Variants in RIN2 observed in about 807,000 individuals in gnomAD.
RIN2 encodes RAB5 interacting protein 2.
In RIN2, 36 loss-of-function variants were observed where a neutral mutation model predicts 78.0. The observed-to-expected ratio is 0.46, with a 90% confidence interval of 0.35 to 0.61. RIN2 has a LOEUF of 0.61. RIN2 is among the 20% of genes least tolerant of loss of function. RIN2 has a pLI of 0.00. For missense variants in RIN2, 1,087 were observed against 1,159.7 expected (o/e 0.94, Z 0.91); for synonymous variants, 466 against 466.8 (o/e 1.00, Z 0.02).
intron 1 of RIN2, among the ~76,000 whole-genome samples, chr20:19,761,782 TC>T (rs1568728460): frequency 6.6e-6 from 1 of 152,200 alleles, no homozygotes; most frequent in Non-Finnish European, 1.5e-5. Flanking sequence ...ATGAATAGGT[TC>T]TTTGGGTTTG....
At chr20:19,968,334 A>G (rs916559421) in intron 7 of RIN2, among the ~76,000 whole-genome samples, 1 of 152,020 alleles carries the variant, frequency 6.6e-6, no homozygotes, top group Admixed American at 6.6e-5. Context: ...ACATGTTTTA[A>G]CTCTTGGGTG....
chr20:19,782,052 G>A (rs16981115), intron 1 of RIN2, among the ~76,000 whole-genome samples: 2,934 of 152,222 alleles, frequency 0.019, 192 homozygotes, highest in East Asian at 0.12. Context: ...TGACAAGACA[G>A]TTAACCCTTC....
At chr20:19,842,354 G>C (rs904372587) in intron 2 of RIN2, among the ~76,000 whole-genome samples, 2 of 147,274 alleles carry the variant, frequency 1.4e-5, no homozygotes. Context: ...CCCCCTAGTA[G>C]CTGGGATTAC....
At chr20:19,763,464 A>T (rs548496719) in intron 1 of RIN2, among the ~76,000 whole-genome samples, 1 of 152,234 alleles carries the variant, frequency 6.6e-6, no homozygotes, top group Non-Finnish European at 1.5e-5. Context: ...GAAAGTGTGA[A>T]TAGAACCACA....
intron 1 of RIN2, among the ~76,000 whole-genome samples, chr20:19,762,951 G>C (rs562561501): frequency 1.3e-5 from 2 of 152,148 alleles, no homozygotes; most frequent in Non-Finnish European, 2.9e-5. Context: ...TTTTAGTAGA[G>C]ATGGGGTTTC....
intron 1 of RIN2, among the ~76,000 whole-genome samples, chr20:19,773,189 C>T (rs2034195614): frequency 6.6e-6 from 1 of 152,188 alleles, no homozygotes; most frequent in South Asian, 2.1e-4. Context: ...CCTGAGTGTC[C>T]TCACATCGTC....
chr20:19,966,906 G>GACACACAC (rs10653532), intron 7 of RIN2, among the ~76,000 whole-genome samples: 232 of 150,318 alleles, frequency 1.5e-3, no homozygotes, highest in East Asian at 0.01. Context: ...GCCCCCAACA[G>GACACACAC]ACACACACAC....
chr20:19,846,626 G>C (rs539252385), intron 2 of RIN2, among the ~76,000 whole-genome samples: 3 of 152,238 alleles, frequency 2.0e-5, no homozygotes, highest in Admixed American at 2.0e-4. Flanking sequence ...GGGCTGAGAC[G>C]GTGGGGTTTT....
intron 6 of RIN2, among the ~76,000 whole-genome samples, chr20:19,963,152 G>T (rs756277825): frequency 2.9e-4 from 44 of 152,106 alleles, no homozygotes; most frequent in Admixed American, 2.6e-3. Flanking sequence ...GAAAACCGAG[G>T]CTTAGAGAAG....
intron 3 of RIN2, among the ~76,000 whole-genome samples, chr20:19,918,353 TTGTGTGTGTG>T (rs3059683): frequency 0.055 from 8,121 of 147,092 alleles, 395 homozygotes; most frequent in East Asian, 0.12. Context: ...TACAAATACA[TTGTGTGTGTG>T]TGTGTGTGTG....
intron 2 of RIN2, among the ~76,000 whole-genome samples, chr20:19,861,921 G>T (rs1419454705): frequency 6.8e-6 from 1 of 147,528 alleles, no homozygotes; most frequent in Non-Finnish European, 1.5e-5. Flanking sequence ...CATATCTGAT[G>T]ATCACCATCC....
Position 19,889,457 on chromosome 20 carries a change from G to C in RIN2, c.-36-109G>C, listed in dbSNP as rs920061316. On this transcript the variant is annotated intron_variant, in intron 2 of 12. Coordinates refer to ENST00000255006, the MANE Select transcript of RIN2 (RefSeq NM_018993.4). ...CTTGGTGGGAAATAAATGGCACTGTGTTGTTGACGGAAAAAGATCTTGGCA... is the reference window on the plus strand; with the variant it reads ...CTTGGTGGGAAATAAATGGCACTGTCTTGTTGACGGAAAAAGATCTTGGCA... The C allele has an allele frequency of 3.3e-6, 4 of 1,210,758 alleles. No individual in the cohort carries two copies. The Admixed American group carries it at 6.8e-5, about 21-fold the overall frequency. The allele number at this position is 1,210,758 out of a possible 1,614,324, so 75.0% of individuals were successfully genotyped here.
intron 4 of RIN2, among the ~76,000 whole-genome samples, chr20:19,938,147 C>T (rs1041728093): frequency 5.3e-5 from 8 of 152,216 alleles, no homozygotes; most frequent in East Asian, 1.9e-4. Context: ...TTCTTTATCT[C>T]CCTGAACTCC....
chr20:19,860,309 G>T (rs905596293), intron 2 of RIN2, among the ~76,000 whole-genome samples: 2 of 151,036 alleles, frequency 1.3e-5, no homozygotes, highest in Non-Finnish European at 2.9e-5. Flanking sequence ...TTGTTTGTTT[G>T]TTTTTTTGTT....
chr20:19,862,417 C>T (rs538312614), intron 2 of RIN2, among the ~76,000 whole-genome samples: 2 of 152,210 alleles, frequency 1.3e-5, no homozygotes, highest in Non-Finnish European at 2.9e-5. Flanking sequence ...CATGGTGAAA[C>T]CCTATCTCTA....
At chr20:19,896,869 TTAA>T (rs2038753212) in intron 3 of RIN2, among the ~76,000 whole-genome samples, 1 of 152,210 alleles carries the variant, frequency 6.6e-6, no homozygotes, top group South Asian at 2.1e-4. Context: ...GGAATTAATG[TTAA>T]TAATATATTG....
chr20:19,779,298 T>A (rs4813371), intron 1 of RIN2, among the ~76,000 whole-genome samples: 53,676 of 141,758 alleles, frequency 0.38, 12,814 homozygotes, highest in African/African-American at 0.71. Context: ...AAGCACAGAT[T>A]AAAAAAAAAA....
intron 2 of RIN2, among the ~76,000 whole-genome samples, chr20:19,863,071 A>G (rs758252926): frequency 1.3e-4 from 20 of 152,128 alleles, no homozygotes; most frequent in Non-Finnish European, 2.6e-4. Flanking sequence ...GCGTTTTCTC[A>G]TATACATCTT....
rs2034848138 is a variant in RIN2, at chr20:19,790,310, T to TCC, written c.-162-9310_-162-9309dup. ...AGGCTAGCAAGTCAGGTTGCCTGCTTCCCACTCAGATAACTTGATCTCTAG... is the reference window on the plus strand; with the variant it reads ...AGGCTAGCAAGTCAGGTTGCCTGCTTCCCCCACTCAGATAACTTGATCTCTAG... On this transcript the variant is annotated intron_variant, in intron 1 of 12. Transcript: ENST00000255006. Among the ~76,000 whole-genome samples the TCC allele has an allele frequency of 2.0e-5, 3 of 152,272 alleles. No homozygotes were observed. In the South Asian group the frequency reaches 6.2e-4, roughly 32 times the overall value.
Sources: gnomAD v4.1 joint callset for allele counts (sites outside exome capture counted in the v4.1 genomes callset) on GRCh38, gnomAD v4.1.1 for gene constraint, MANE v1.5 for transcripts, NCBI Gene and HGNC (gene_info 2026-07-23, HGNC 2026-07-21) for gene names.